Variants in INTS3 observed in about 807,000 individuals in gnomAD.
The protein encoded by INTS3 is integrator complex subunit 3.
In INTS3, 34 loss-of-function variants were observed where a neutral mutation model predicts 146.3. The observed-to-expected ratio is 0.23, with a 90% CI of 0.18 to 0.31. The LOEUF is 0.31. Ranked by LOEUF, INTS3 falls within the 10% of genes least tolerant of loss-of-function variation. INTS3 has a pLI of 1.00. For synonymous variants in INTS3, 475 were observed against 494.9 expected, an observed-to-expected ratio of 0.96 and a Z score of 0.53; for missense variants, 757 against 1,304.2, an observed-to-expected ratio of 0.58 and a Z score of 6.46.
Position 153,757,930 on chromosome 1 carries a change from AC to A in INTS3, c.1149+168del, listed in dbSNP as rs1459265803. On this transcript the variant is annotated intron_variant, in intron 10 of 29. Transcript: ENST00000318967. This position sits in a 1 kb window ranked among gnomAD's most constrained non-coding sequence, Gnocchi z 4.0. ...CTTCCCTTTGTGTCTCTAGAAATTT[AC>A]TTACACTCATTATTTTCCATCTGGG... 3.3e-5 allele frequency among the ~76,000 whole-genome samples: 5 copies of A among 151,822 alleles called. No individual in the cohort carries two copies. Among genetic ancestry groups the A allele is most frequent in the Non-Finnish European group, 7.4e-5 (5 of 67,964 alleles).
chr1:153,760,172 C>T (rs1672321722), intron 11 of INTS3, 139 bp from the exon 12 acceptor site: 3 of 610,086 alleles, frequency 4.9e-6, no homozygotes, highest in Non-Finnish European at 8.3e-6. Context: ...GCAGAGGCTT[C>T]AGTGAGCTGA....
At chr1:153,764,394 G>A (rs762011840) in intron 18 of INTS3, among the ~76,000 whole-genome samples, 173 bp downstream of exon 18, 2 of 152,180 alleles carry the variant, frequency 1.3e-5, no homozygotes, top group South Asian at 2.1e-4. Context: ...GCTGAACACC[G>A]TGCGTACTGG....
In INTS3 at chr1:153,772,102, C is replaced by T. The variant is rs571944775; in HGVS notation, c.2720+139C>T. 6.8e-6 allele frequency: 7 copies of T among 1,027,658 alleles called. No homozygotes were observed. Among genetic ancestry groups the T allele is most frequent in the Admixed American group, 5.0e-5 (2 of 40,386 alleles). 63.7% of individuals were successfully genotyped at this position (1,027,658 alleles called of 1,614,324 possible). On this transcript the variant is annotated intron_variant, in intron 26 of 29. Transcript: ENST00000318967. This position sits in a 1 kb window ranked among gnomAD's most constrained non-coding sequence, Gnocchi z 4.6. ...GGTTTGTGGGCGACATCTAGTGGTCCGAAGCCACATGGCATGCGAGACCAC... is the reference window on the plus strand; with the variant it reads ...GGTTTGTGGGCGACATCTAGTGGTCTGAAGCCACATGGCATGCGAGACCAC...
At chr1:153,763,108 C>A (rs1570875381) in intron 15 of INTS3, 125 bp from the exon 16 acceptor site, 2 of 1,268,824 alleles carry the variant, frequency 1.6e-6, no homozygotes, top group South Asian at 1.3e-5. Context: ...TTCAGGCACT[C>A]ACACAGCATT....
In INTS3 at chr1:153,752,352, A is replaced by G; in HGVS notation, c.803A>G (p.Glu268Gly). Residue 268 changes from glutamate (E) to glycine (G), a missense_variant, in exon 8 of 30, where the codon GAA becomes GGA. Glu to Gly is a moderately conservative substitution (Grantham distance 98). Transcript: ENST00000318967. ...AATGTTGCTAGGATACCAGAATTTG[A>G]ACTGCTTTGGAAAGATATTATCCAT... is the stretch of plus-strand genomic sequence containing the variant. ...LQNVARIPEF[E>G]LLWKDIIHNP... is the part of the protein sequence containing the mutation. The G allele has an allele frequency of 6.2e-7, 1 of 1,613,712 alleles. No homozygotes were observed. Among genetic ancestry groups the G allele is most frequent in the Non-Finnish European group, 8.5e-7 (1 of 1,179,796 alleles).
At chr1:153,745,710 T>G (rs1671706786) in intron 3 of INTS3, among the ~76,000 whole-genome samples, 2 of 151,534 alleles carry the variant, frequency 1.3e-5, no homozygotes, top group Admixed American at 1.3e-4. Context: ...CAGAAGAAAT[T>G]AGCATGCCCT....
At chr1:153,740,612 G>A (rs1671491863) in intron 1 of INTS3, 39 bp from the exon 2 acceptor site, 1 of 1,492,890 alleles carries the variant, frequency 6.7e-7, no homozygotes, top group Non-Finnish European at 9.4e-7. Context: ...CCTAAGTGGT[G>A]TTATGACACA....
chr1:153,770,546 G>A (rs952232229), intron 24 of INTS3, 139 bp from the exon 25 acceptor site: 7 of 757,266 alleles, frequency 9.2e-6, no homozygotes, highest in South Asian at 6.4e-5. Context: ...TGATAGGAGT[G>A]GGGTAGGGGA....
chr1:153,752,369 A>C lies in INTS3; in HGVS notation c.820A>C (p.Ile274Leu). 1 of 1,613,550 alleles carries C rather than the reference A, an allele frequency of 6.2e-7. No individual in the cohort carries two copies. Among genetic ancestry groups the C allele is most frequent in the South Asian group, 1.1e-5 (1 of 90,890 alleles). The change falls in exon 8 of 30, where the codon ATT becomes CTT. Residue 274 changes from isoleucine (I) to leucine (L), a missense_variant. By Grantham distance (5) the Ile-to-Leu change is conservative. Around this residue, in one of 8 missense-constraint regions of INTS3, gnomAD observed 134 missense variants for 243.1 expected, o/e 0.55. Coordinates refer to ENST00000318967, the MANE Select transcript of INTS3 (RefSeq NM_023015.5). ...IPEFELLWKDIIHNPQALSPQ... is the reference protein window; with the variant it reads ...IPEFELLWKDLIHNPQALSPQ... The stretch of plus-strand genomic sequence containing the variant: ...AGAATTTGAACTGCTTTGGAAAGAT[A>C]TTATCCATAATCCTCAGGCCTTGAG...
Position 153,762,698 on chromosome 1 carries a change from T to C in INTS3, c.1517-30T>C, listed in dbSNP as rs756441020. ...GCATGTTAGAGGACCCAGGAGGCCATTAAATGCCTTATCTTTTTTTACTCC... is the reference window on the plus strand; with the variant it reads ...GCATGTTAGAGGACCCAGGAGGCCACTAAATGCCTTATCTTTTTTTACTCC... On this transcript the variant is annotated intron_variant, in intron 14 of 29. Transcript: ENST00000318967. The C allele has an allele frequency of 3.1e-6, 5 of 1,613,716 alleles. No homozygotes were observed. The Admixed American group carries it at 8.3e-5, about 27-fold the overall frequency.
At chr1:153,742,380 C>T (rs913878352) in intron 3 of INTS3, among the ~76,000 whole-genome samples, 1 of 152,052 alleles carries the variant, frequency 6.6e-6, no homozygotes, top group African/African-American at 2.4e-5. Flanking sequence ...TGATATGATC[C>T]AGTCCAGCAC....
chr1:153,769,869 C>A, intron 23 of INTS3, 25 bp downstream of exon 23: 1 of 1,510,182 alleles, frequency 6.6e-7, no homozygotes, highest in Non-Finnish European at 9.2e-7. Flanking sequence ...CTTTAGGTGC[C>A]TGGGAGAGGA....
At chr1:153,745,454 C>T (rs374616462) in intron 3 of INTS3, among the ~76,000 whole-genome samples, 48 of 151,954 alleles carry the variant, frequency 3.2e-4, no homozygotes, top group Non-Finnish European at 5.2e-4. Context: ...CCACCATACC[C>T]GGCCCTTGCT....
At chr1:153,731,901 C>CTTTTTTTTTTT (rs34353204) in intron 1 of INTS3, among the ~76,000 whole-genome samples, 8 of 65,278 alleles carry the variant, frequency 1.2e-4, no homozygotes, top group Non-Finnish European at 1.5e-4. Flanking sequence ...CTTTTTTTAA[C>CTTTTTTTTTTT]TTTTTTTTTT....
At chr1:153,743,028 G>T (rs76318529) in intron 3 of INTS3, among the ~76,000 whole-genome samples, 3 of 152,206 alleles carry the variant, frequency 2.0e-5, no homozygotes, top group African/African-American at 7.2e-5. Context: ...AGTTTTAGGC[G>T]GGTGAGGAAC....
At chr1:153,766,542 G>GC (rs1372995372) in intron 20 of INTS3, 1 of 151,744 alleles carries the variant, frequency 6.6e-6, no homozygotes, top group African/African-American at 2.4e-5. Flanking sequence ...CAGGTGATCT[G>GC]CCCACCTCGG....
rs1672358497 is a variant in INTS3, at chr1:153,760,863, G to A, written c.1354G>A (p.Val452Met). 8 of 1,614,138 alleles carry A rather than the reference G, an allele frequency of 5.0e-6. No individual in the cohort carries two copies. Among genetic ancestry groups the A allele is most frequent in the Non-Finnish European group, 6.8e-6 (8 of 1,179,994 alleles). The change falls in exon 13 of 30, where the codon GTG becomes ATG. Residue 452 changes from valine to methionine, a missense_variant. Transcript: ENST00000318967. Reference protein sequence around the residue: ...PNFYPPLEGHVRQGVFSSLNH... With the variant: ...PNFYPPLEGHMRQGVFSSLNH... The stretch of plus-strand genomic sequence containing the variant: ...CTTCTATCCACCATTGGAGGGCCAC[G>A]TGCGGCAGGGTGTCTTTTCCTCCCT...
rs771815648 is a variant in INTS3, at chr1:153,771,973, G to A, written c.2720+10G>A. The A allele has an allele frequency of 4.8e-5, 78 of 1,608,970 alleles. No individual in the cohort carries two copies. The Middle Eastern group carries it at 8.2e-4, about 17-fold the overall frequency. ...CTCGCAAGAGACAGAGGTGGGACAC[G>A]GTCCCTGTCTACCCTCCAGGCCATG... On this transcript the variant is annotated intron_variant, in intron 26 of 29. Coordinates refer to ENST00000318967, the MANE Select transcript of INTS3 (RefSeq NM_023015.5).
chr1:153,744,883 C>T lies in INTS3; in HGVS notation c.319-2074C>T, dbSNP rs565338647. ...AGCAGCCTCTTCTGGTTATTTCTAA[C>T]GTTGATACAAGAGGTGGTTAAGCAT... is the stretch of plus-strand genomic sequence containing the variant. On this transcript the variant is annotated intron_variant, in intron 3 of 29. Coordinates refer to ENST00000318967, the MANE Select transcript of INTS3 (RefSeq NM_023015.5). 7.0e-4 allele frequency among the ~76,000 whole-genome samples: 107 copies of T among 152,212 alleles called. 1 individual carries two copies. The highest frequency in any genetic ancestry group is 1.2e-3 in the Non-Finnish European group (81 of 68,020).
Sources: gnomAD v4.1 joint callset for allele counts (sites outside exome capture counted in the v4.1 genomes callset) on GRCh38, gnomAD v4.1.1 for gene constraint, gnomAD v4.1.1 regional missense constraint, Gnocchi (gnomAD v3.1) non-coding constraint, MANE v1.5 for transcripts, NCBI Gene and HGNC (gene_info 2026-07-23, HGNC 2026-07-21) for gene names.